NAAA: variants seen among roughly 807,000 people sequenced by gnomAD.
NAAA encodes the protein N-acylethanolamine acid amidase, also known as N-acylethanolamine-hydrolyzing acid amidase.
NAAA carries 39 observed loss-of-function variants against 44.8 expected under a neutral mutation model. The ratio of observed to expected loss-of-function variants is 0.87; its 90% confidence interval spans 0.67 to 1.14. The LOEUF (loss-of-function observed/expected upper bound fraction) is 1.14. Ranked by LOEUF, NAAA falls within the 50% of genes most tolerant of loss-of-function variation. NAAA has a pLI of 0.00. For missense variants in NAAA, 460 were observed against 467.8 expected (o/e 0.98, Z 0.15); for synonymous variants, 178 against 191.3 (o/e 0.93, Z 0.58).
rs183540777 is a variant in NAAA at position 75,939,967 on chromosome 4, C to T, written c.371+34G>A. ...GTCTGTGTCGGGGGCCCCCGCAAGC[C>T]CCGCGTTACTCCGCGCGGGCTTGGG... On this transcript the variant is annotated intron_variant, in intron 2 of 10. Transcript: ENST00000286733. The T allele has an allele frequency of 7.5e-6, 12 of 1,608,842 alleles. No individual in the cohort carries two copies. In the Admixed American group the frequency reaches 1.8e-4, roughly 25 times the overall value.
At chr4:75,917,209 G>A (rs1725709859) in intron 9 of NAAA, 1 of 441,770 alleles carries the variant, frequency 2.3e-6, no homozygotes, top group South Asian at 9.6e-5. Flanking sequence ...ACAGTCAATA[G>A]TGCATTGGAG....
chr4:75,925,924 G>A, intron 4 of NAAA, 113 bp from the exon 5 acceptor site: 2 of 997,190 alleles, frequency 2.0e-6, no homozygotes, highest in South Asian at 1.4e-5. Context: ...AGTTTTGAAA[G>A]CAGAATCTTT....
At chr4:75,940,707 G>A (rs374166577) in intron 1 of NAAA, 37 bp downstream of exon 1, 8 of 1,572,534 alleles carry the variant, frequency 5.1e-6, no homozygotes, top group East Asian at 2.3e-5. Flanking sequence ...CCGCAGGGCC[G>A]GTGTCCCCGC....
chr4:75,927,135 G>C (rs1726775262), intron 4 of NAAA, among the ~76,000 whole-genome samples: 1 of 152,020 alleles, frequency 6.6e-6, no homozygotes, highest in Non-Finnish European at 1.5e-5. Context: ...AAACTACAAT[G>C]AGATGCCACC....
At chr4:75,925,588 C>A in intron 5 of NAAA, 147 bp downstream of exon 5, 1 of 725,492 alleles carries the variant, frequency 1.4e-6, no homozygotes, top group Non-Finnish European at 2.4e-6. Flanking sequence ...TGACATTTAT[C>A]AAAAAGATTT....
At chr4:75,927,601 CTAAAAAAAAAAAT>C in intron 4 of NAAA, among the ~76,000 whole-genome samples, 1 of 131,950 alleles carries the variant, frequency 7.6e-6, no homozygotes, top group African/African-American at 2.8e-5. Context: ...CTTGTTTCTA[CTAAAAAAAAAAAT>C]TAAAAAAAAA....
At position 75,913,848 on chromosome 4, in the gene NAAA, C is replaced by T. The variant is rs562969358; in HGVS notation, c.*527G>A. ...TAGAAACATTATAAAAAACGAGACT[C>T]CCATTACATGGAAACACATGATCAA... On this transcript the variant is annotated 3_prime_UTR_variant, in exon 11 of 11. Coordinates refer to ENST00000286733, the MANE Select transcript of NAAA (RefSeq NM_014435.4). 11 of 985,272 alleles carry T rather than the reference C, an allele frequency of 1.1e-5. No homozygotes were observed. The South Asian group carries it at 2.3e-4, about 21-fold the overall frequency. 61.0% of individuals were successfully genotyped at this position (985,272 alleles called of 1,614,324 possible).
chr4:75,927,930 G>A (rs1726884979), intron 4 of NAAA, among the ~76,000 whole-genome samples: 1 of 152,202 alleles, frequency 6.6e-6, no homozygotes, highest in African/African-American at 2.4e-5. Context: ...TTTCTCTGAT[G>A]TGATTATATG....
At chr4:75,915,291 C>T (rs539142747) in intron 9 of NAAA, among the ~76,000 whole-genome samples, 51 of 152,150 alleles carry the variant, frequency 3.4e-4, no homozygotes, top group African/African-American at 1.2e-3. Context: ...AGAGGTTGCA[C>T]TGAGCTGAGA....
intron 4 of NAAA, among the ~76,000 whole-genome samples, chr4:75,927,755 A>G (rs1204420905): frequency 6.6e-6 from 1 of 150,894 alleles, no homozygotes; most frequent in East Asian, 2.0e-4. Flanking sequence ...GCATTTATGA[A>G]TGTGTGATTT....
intron 5 of NAAA, among the ~76,000 whole-genome samples, chr4:75,924,070 A>G (rs953512274): frequency 3.9e-5 from 6 of 151,984 alleles, no homozygotes; most frequent in Non-Finnish European, 5.9e-5. Context: ...AGAAGCAGCA[A>G]CTCATTTTTT....
chr4:75,916,285 C>G, intron 9 of NAAA, among the ~76,000 whole-genome samples: 1 of 152,132 alleles, frequency 6.6e-6, no homozygotes, highest in East Asian at 1.9e-4. Flanking sequence ...CCTAATACAA[C>G]TGAACAGCCT....
intron 3 of NAAA, chr4:75,935,225 T>TA (rs1727604496): frequency 1.3e-5 from 2 of 152,372 alleles, no homozygotes; most frequent in South Asian, 4.1e-4. Context: ...AAAGTGTTTG[T>TA]AAAAGCAGAT....
At chr4:75,917,745 C>T (rs1412089515) in intron 9 of NAAA, 5 of 390,628 alleles carry the variant, frequency 1.3e-5, no homozygotes, top group African/African-American at 2.2e-5. Flanking sequence ...GGATTACAGG[C>T]GTGAGCCACC....
rs1725460433 is a variant in NAAA, at chr4:75,914,222, G to GGTT, written c.*150_*152dup. 2.0e-6 allele frequency: 2 copies of GGTT among 985,672 alleles called. No homozygotes were observed. Among genetic ancestry groups the GGTT allele is most frequent in the South Asian group, 9.4e-5 (2 of 21,288 alleles). The allele number at this position is 985,672 out of a possible 1,614,324, so 61.1% of individuals were successfully genotyped here. On this transcript the variant is annotated 3_prime_UTR_variant, in exon 11 of 11. Coordinates refer to ENST00000286733, the MANE Select transcript of NAAA (RefSeq NM_014435.4). ...CAAATCTCCTGGACCCACTTCGCAA[G>GGTT]GTTGTAAAGTTAAATGAGGAAGGAG...
chr4:75,919,354 TC>T (rs1725929694), intron 8 of NAAA: 1 of 152,270 alleles, frequency 6.6e-6, no homozygotes, highest in African/African-American at 2.4e-5. Flanking sequence ...ACTTTTTAAT[TC>T]TTTCTCTTTT....
intron 1 of NAAA, 107 bp from the exon 2 acceptor site, chr4:75,940,272 G>T: frequency 8.3e-7 from 1 of 1,207,436 alleles, no homozygotes; most frequent in Non-Finnish European, 1.1e-6. Context: ...AGGTCTCAGG[G>T]CCACTGCTCC....
chr4:75,927,419 T>C (rs1216604743), intron 4 of NAAA, among the ~76,000 whole-genome samples: 1 of 151,480 alleles, frequency 6.6e-6, no homozygotes, highest in Non-Finnish European at 1.5e-5. Flanking sequence ...TACTCCAGCC[T>C]GGGCAATAGA....
rs1728234805 is a variant in NAAA, at chr4:75,940,932, C to CCGGTCCG, written c.11_17dup (p.Glu7GlyfsTer100). ...GGGACGGAAGCCCCGGGCGCGCCTCCCGGTCCGCGGTCCGCATGGCTCGGG... is the reference window on the plus strand; with the variant it reads ...GGGACGGAAGCCCCGGGCGCGCCTCCCGGTCCGCGGTCCGCGGTCCGCATGGCTCGGG... On this transcript the variant is annotated frameshift_variant, in exon 1 of 11. Transcript: ENST00000286733. LOFTEE classifies it high-confidence loss of function. 6.7e-6 allele frequency: 10 copies of CCGGTCCG among 1,499,518 alleles called. No homozygotes were observed. Among genetic ancestry groups the CCGGTCCG allele is most frequent in the East Asian group, 5.5e-5 (2 of 36,654 alleles). 92.9% of individuals were successfully genotyped at this position (1,499,518 alleles called of 1,614,324 possible).
Sources: gnomAD v4.1 joint callset for allele counts (sites outside exome capture counted in the v4.1 genomes callset) on GRCh38, gnomAD v4.1.1 for gene constraint, MANE v1.5 for transcripts, NCBI Gene and HGNC (gene_info 2026-07-23, HGNC 2026-07-21) for gene names.